The following TNRC6A variants were observed in gnomAD, a reference collection of about 807,000 sequenced individuals.
The protein encoded by TNRC6A is trinucleotide repeat-containing gene 6A protein.
Under a neutral mutation model 221.2 loss-of-function variants are expected in TNRC6A, and 44 were observed. The observed-to-expected ratio is 0.20, with a 90% confidence interval of 0.16 to 0.26. The LOEUF is 0.26. Ranked by LOEUF, TNRC6A falls within the 10% of genes least tolerant of loss-of-function variation. The probability of loss-of-function intolerance (pLI) is 1.00; values close to 1 mark genes in which losing one functional copy is unlikely to be tolerated. For missense variants in TNRC6A, 2,199 were observed against 2,404.4 expected (o/e 0.91, Z 1.79); for synonymous variants, 847 against 838.5 (o/e 1.01, Z -0.18).
At chr16:24,630,183 C>A (rs969220527) in intron 1 of TNRC6A, among the ~76,000 whole-genome samples, 5 of 152,122 alleles carry the variant, frequency 3.3e-5, no homozygotes, top group African/African-American at 1.2e-4. Flanking sequence ...GCTTTCTCTC[C>A]TTTTATAGTA....
chr16:24,717,770 C>CTTTTTTTTTTTTTTTTTTTT (rs71383705), intron 2 of TNRC6A, among the ~76,000 whole-genome samples: 1 of 107,366 alleles, frequency 9.3e-6, no homozygotes, highest in Non-Finnish European at 1.9e-5. Context: ...TTTTTTTTTT[C>CTTTTTTTTTTTTTTTTTTTT]TTTTTTTTTT....
chr16:24,797,838 CA>C (rs1368962478), intron 10 of TNRC6A, 76 bp from the exon 11 acceptor site: 1 of 1,282,802 alleles, frequency 7.8e-7, no homozygotes, highest in Admixed American at 2.2e-5. Flanking sequence ...TAATGAAACA[CA>C]GTAAAATTCT....
At chr16:24,718,257 C>T (rs1381860968) in intron 2 of TNRC6A, among the ~76,000 whole-genome samples, 2 of 152,168 alleles carry the variant, frequency 1.3e-5, no homozygotes. Flanking sequence ...AGATTCCAGC[C>T]CTAAATGCTC....
intron 2 of TNRC6A, among the ~76,000 whole-genome samples, chr16:24,749,459 A>G (rs1397474523): frequency 6.6e-6 from 1 of 152,198 alleles, no homozygotes; most frequent in Non-Finnish European, 1.5e-5. Context: ...AGAAGCAGCT[A>G]CTATCTGTGG....
At position 24,662,569 on chromosome 16, in the gene TNRC6A, T is replaced by C. The variant is rs567247226; in HGVS notation, n.402+21560T>C. ...GCAAGAATCATTATGGGTGCCTTAT[T>C]TGGAAGCGTAAAAATGTTGGAAATA... On this transcript the variant is annotated intron_variant and non_coding_transcript_variant, in intron 2 of 2. Transcript: ENST00000566108. 5 of 152,296 alleles carry C rather than the reference T, an allele frequency of 3.3e-5. No homozygotes were observed. The East Asian group carries it at 5.8e-4, about 18-fold the overall frequency. The allele number at this position is 152,296 out of a possible 1,614,324, so 9.4% of individuals were successfully genotyped here. A position where few individuals can be genotyped will look rare whatever the true frequency, so the allele number is the denominator to read the frequency against.
In TNRC6A at chr16:24,823,529, G is replaced by A. The variant is rs751409067; in HGVS notation, c.5611G>A (p.Gly1871Ser). The A allele has an allele frequency of 1.1e-5, 17 of 1,614,104 alleles. No individual in the cohort carries two copies. Among genetic ancestry groups the A allele is most frequent in the African/African-American group, 4.0e-5 (3 of 75,020 alleles). Reference protein sequence around the residue: ...AQSQSLTPSPGWQSLGSSQSR... With the variant: ...AQSQSLTPSPSWQSLGSSQSR... Reference sequence around the variant, plus strand: ...AAGCCAGTCTCTGACCCCTTCTCCCGGCTGGCAGTCTCTCGGGTCCAGCCA... The same window carrying A: ...AAGCCAGTCTCTGACCCCTTCTCCCAGCTGGCAGTCTCTCGGGTCCAGCCA... Residue 1871 changes from glycine (G) to serine (S), a missense_variant, in exon 25 of 25, where the codon GGC (glycine) becomes AGC (serine). By Grantham distance (56) the Gly-to-Ser change is moderately conservative. Coordinates refer to ENST00000395799, the MANE Select transcript of TNRC6A (RefSeq NM_014494.4). The surrounding 1 kb of genome is among the most constrained non-coding windows in gnomAD (Gnocchi z 4.3).
chr16:24,763,171 G>T (rs1233014244), intron 4 of TNRC6A, among the ~76,000 whole-genome samples: 2 of 152,134 alleles, frequency 1.3e-5, no homozygotes, highest in African/African-American at 2.4e-5. Flanking sequence ...TGATCTCTAT[G>T]CAGTAAACAC....
intron 3 of TNRC6A, among the ~76,000 whole-genome samples, chr16:24,753,341 G>A (rs934750615): frequency 2.0e-5 from 3 of 152,098 alleles, no homozygotes; most frequent in South Asian, 2.1e-4. Context: ...GCACTGATAG[G>A]GTATTCCTGT....
chr16:24,785,533 A>C (rs1436401883), intron 5 of TNRC6A, among the ~76,000 whole-genome samples: 1 of 152,166 alleles, frequency 6.6e-6, no homozygotes, highest in Non-Finnish European at 1.5e-5. Flanking sequence ...TAGAAAGGAA[A>C]TTGTTTTTTC....
chr16:24,621,461 C>T lies in TNRC6A; in HGVS notation n.276+10977C>T, dbSNP rs187746346. 9.5e-4 allele frequency among the ~76,000 whole-genome samples: 142 copies of T among 149,282 alleles called. 1 individual carries two copies. The highest frequency in any genetic ancestry group is 3.2e-3 in the African/African-American group (128 of 40,442). On this transcript the variant is annotated intron_variant and non_coding_transcript_variant, in intron 1 of 2. Transcript: ENST00000566108. ...GCAAACTCCGCCTCCCAGGTTCAAG[C>T]GGTTCTTGTGCCTCGGCCTCCCGAG... is the stretch of plus-strand genomic sequence containing the variant.
intron 11 of TNRC6A, among the ~76,000 whole-genome samples, chr16:24,802,589 A>C (rs1023621411): frequency 2.6e-5 from 4 of 152,226 alleles, no homozygotes; most frequent in African/African-American, 9.6e-5. Flanking sequence ...GATGTGCTTT[A>C]GCAGGCAGGT....
intron 2 of TNRC6A, chr16:24,662,639 A>G (rs2055060123): frequency 6.5e-6 from 1 of 153,298 alleles, no homozygotes; most frequent in Admixed American, 6.5e-5. Flanking sequence ...AAAATTACAA[A>G]TCCATCCAGT....
intron 4 of TNRC6A, among the ~76,000 whole-genome samples, chr16:24,772,011 A>C (rs918158796): frequency 2.0e-5 from 3 of 152,366 alleles, no homozygotes; most frequent in Admixed American, 6.5e-5. Context: ...AGAGTTGAGT[A>C]GTTGTCACAG....
chr16:24,805,377 CA>C lies in TNRC6A; in HGVS notation c.4123-224del. 3.2e-6 allele frequency: 3 copies of C among 932,256 alleles called. No individual in the cohort carries two copies. The South Asian group carries it at 5.4e-5, about 17-fold the overall frequency. 57.7% of individuals were successfully genotyped at this position (932,256 alleles called of 1,614,324 possible). A position where few individuals can be genotyped will look rare whatever the true frequency, so the allele number is the denominator to read the frequency against. On this transcript the variant is annotated intron_variant, in intron 14 of 24. Transcript: ENST00000395799. ...CTTTAAAACATTCTTGAGAGTAGGA[CA>C]AAAGCAAAGTAAAATTGACTAGTTT...
intron 1 of TNRC6A, among the ~76,000 whole-genome samples, chr16:24,637,330 GC>G (rs1211664226): frequency 1.3e-5 from 2 of 152,078 alleles, no homozygotes; most frequent in Non-Finnish European, 2.9e-5. Context: ...ATCGTGCCCA[GC>G]CTGTTGCAGT....
intron 2 of TNRC6A, among the ~76,000 whole-genome samples, chr16:24,748,285 G>T (rs773961934): frequency 1.6e-4 from 24 of 152,134 alleles, no homozygotes; most frequent in Non-Finnish European, 2.5e-4. Context: ...CATGTCTCAG[G>T]GTAGGTAACA....
intron 2 of TNRC6A, among the ~76,000 whole-genome samples, chr16:24,659,624 G>A (rs941458244): frequency 7.9e-5 from 12 of 152,104 alleles, no homozygotes; most frequent in African/African-American, 2.9e-4. Flanking sequence ...TGTATTATTT[G>A]TAGAGACAGG....
chr16:24,754,783 C>A (rs551207666), intron 3 of TNRC6A, among the ~76,000 whole-genome samples: 1 of 151,878 alleles, frequency 6.6e-6, no homozygotes, highest in East Asian at 1.9e-4. Flanking sequence ...CGTTGAAGGC[C>A]GAGGGGAAGC....
intron 1 of TNRC6A, among the ~76,000 whole-genome samples, chr16:24,622,486 T>G (rs1900727361): frequency 6.6e-6 from 1 of 151,820 alleles, no homozygotes; most frequent in Non-Finnish European, 1.5e-5. Flanking sequence ...CTGTAATCCC[T>G]GGGAGGCTGA....
Sources: gnomAD v4.1 joint callset for allele counts (sites outside exome capture counted in the v4.1 genomes callset) on GRCh38, gnomAD v4.1.1 for gene constraint, Gnocchi (gnomAD v3.1) non-coding constraint, MANE v1.5 for transcripts, NCBI Gene and HGNC (gene_info 2026-07-23, HGNC 2026-07-21) for gene names.